ADAMTS14: variants seen among roughly 807,000 people sequenced by gnomAD.
The protein encoded by ADAMTS14 is A disintegrin and metalloproteinase with thrombospondin motifs 14.
A neutral mutation model predicts 128.6 loss-of-function variants in ADAMTS14; 100 were observed. That is an observed-to-expected ratio of 0.78 (90% CI 0.66 to 0.92). The LOEUF is 0.92. ADAMTS14 is among the 40% of genes least tolerant of loss of function. The probability of loss-of-function intolerance (pLI) is 0.00; values close to 1 mark genes in which losing one functional copy is unlikely to be tolerated. For synonymous variants in ADAMTS14, 665 were observed against 653.8 expected (o/e 1.02, Z -0.26); for missense variants, 1,562 against 1,658.6 (o/e 0.94, Z 1.01).
chr10:70,673,381 T>C (rs11596281), intron 1 of ADAMTS14, among the ~76,000 whole-genome samples: 62,854 of 151,932 alleles, frequency 0.41, 14,469 homozygotes, highest in Non-Finnish European at 0.53. Context: ...GAAACACACA[T>C]CCTTCCACTG....
intron 10 of ADAMTS14, 23 bp downstream of exon 10, chr10:70,736,816 G>T (rs767661190): frequency 1.2e-6 from 2 of 1,608,594 alleles, no homozygotes; most frequent in Non-Finnish European, 1.7e-6. Flanking sequence ...TGTGCAGCAG[G>T]AGTGGCCTTC....
Position 70,732,275 on chromosome 10 carries a change from T to C in ADAMTS14, c.1124T>C (p.Met375Thr), listed in dbSNP as rs139122402. The change falls in exon 7 of 22, where the codon ATG becomes ACG. Residue 375 changes from methionine to threonine, a missense_variant. Physicochemically the swap from Met to Thr is moderately conservative, Grantham distance 81. Coordinates refer to ENST00000373207, the MANE Select transcript of ADAMTS14 (RefSeq NM_080722.4). ...GPSGYAPVTG[M>T]CHPLRSCALN... ...GCAGGGTATGCACCCGTCACTGGCA[T>C]GTGTCACCCCCTGAGGAGCTGTGCC... 3.1e-6 allele frequency: 5 copies of C among 1,614,196 alleles called. No homozygotes were observed. The highest frequency in any genetic ancestry group is 4.2e-6 in the Non-Finnish European group (5 of 1,180,030).
intron 6 of ADAMTS14, 41 bp from the exon 7 acceptor site, chr10:70,732,213 C>A: frequency 6.4e-7 from 1 of 1,571,060 alleles, no homozygotes; most frequent in Non-Finnish European, 8.8e-7. Flanking sequence ...CCTCACCTGC[C>A]CTCCACCTCG....
At chr10:70,703,380 C>T (rs549222034) in intron 3 of ADAMTS14, among the ~76,000 whole-genome samples, 2 of 152,306 alleles carry the variant, frequency 1.3e-5, no homozygotes, top group East Asian at 3.9e-4. Context: ...GTGCCAGCTC[C>T]CTATGGGACT....
chr10:70,700,757 C>G (rs4746058), intron 2 of ADAMTS14, among the ~76,000 whole-genome samples: 27,127 of 152,200 alleles, frequency 0.18, 3,514 homozygotes, highest in East Asian at 0.54. Context: ...GTCCACACTT[C>G]GTCATAGCAC....
Position 70,760,721 on chromosome 10 carries a change from C to T in ADAMTS14, c.3540C>T (p.Ser1180=). ...TCCCTGGAGCATCCTGGAGCATCTC[C>T]CCTACCACCCCCGGGGGGCTGCCTT... is the stretch of plus-strand genomic sequence containing the variant. ...TPIPGASWSI[S]PTTPGGLPWG... The change falls in exon 22 of 22, where the codon TCC becomes TCT. Residue 1180 remains serine, a synonymous_variant. Coordinates refer to ENST00000373207, the MANE Select transcript of ADAMTS14 (RefSeq NM_080722.4). 2 of 1,614,102 alleles carry T rather than the reference C, an allele frequency of 1.2e-6. No homozygotes were observed. The highest frequency in any genetic ancestry group is 1.7e-6 in the Non-Finnish European group (2 of 1,180,000).
chr10:70,714,430 A>G lies in ADAMTS14; in HGVS notation c.870+5652A>G, dbSNP rs1221521618. 3.3e-5 allele frequency among the ~76,000 whole-genome samples: 5 copies of G among 152,034 alleles called. No individual in the cohort carries two copies. The East Asian group carries it at 9.7e-4, about 29-fold the overall frequency. On this transcript the variant is annotated intron_variant, in intron 4 of 21. Transcript: ENST00000373207. ...CTGGGATCTGAGCACCACTGTGTCC[A>G]CTCCAGAGCTCACCCTCTTCCCCAG...
intron 7 of ADAMTS14, 34 bp downstream of exon 7, chr10:70,732,393 AG>A (rs780481833): frequency 1.3e-6 from 2 of 1,563,564 alleles, no homozygotes; most frequent in Non-Finnish European, 1.8e-6. Context: ...TGGGACTGGC[AG>A]CTGTGCCGTG....
intron 4 of ADAMTS14, among the ~76,000 whole-genome samples, chr10:70,715,337 G>A (rs903810778): frequency 6.6e-6 from 1 of 152,112 alleles, no homozygotes; most frequent in African/African-American, 2.4e-5. Context: ...GGGAGTGCTT[G>A]TATGCATGTA....
At chr10:70,758,734 G>A (rs186810242) in intron 21 of ADAMTS14, among the ~76,000 whole-genome samples, 3 of 152,230 alleles carry the variant, frequency 2.0e-5, no homozygotes, top group Non-Finnish European at 4.4e-5. Flanking sequence ...GCCTTCATAG[G>A]GCTGGTGAGA....
intron 18 of ADAMTS14, 138 bp downstream of exon 18, chr10:70,752,365 T>G: frequency 2.3e-6 from 3 of 1,304,714 alleles, no homozygotes; most frequent in Non-Finnish European, 3.1e-6. Flanking sequence ...TTTCAGTGCT[T>G]CTGGGCTCCA....
At chr10:70,689,867 C>T (rs1343074304) in intron 2 of ADAMTS14, among the ~76,000 whole-genome samples, 3 of 145,296 alleles carry the variant, frequency 2.1e-5, no homozygotes, top group Admixed American at 6.8e-5. Context: ...GCCCCTCAGA[C>T]CCCTCAGGCT....
At chr10:70,734,201 T>A (rs1211030508) in intron 8 of ADAMTS14, among the ~76,000 whole-genome samples, 173 bp downstream of exon 8, 1 of 152,108 alleles carries the variant, frequency 6.6e-6, no homozygotes, top group Non-Finnish European at 1.5e-5. Flanking sequence ...GCATAGCAGG[T>A]GGGTTAGTCT....
chr10:70,701,327 A>G (rs968050792), intron 2 of ADAMTS14, among the ~76,000 whole-genome samples: 1 of 152,280 alleles, frequency 6.6e-6, no homozygotes, highest in Non-Finnish European at 1.5e-5. Context: ...TCGTGTTCAC[A>G]GCTGCGCTCC....
At chr10:70,711,096 T>C (rs1307598001) in intron 4 of ADAMTS14, among the ~76,000 whole-genome samples, 1 of 152,166 alleles carries the variant, frequency 6.6e-6, no homozygotes. Flanking sequence ...AAAGCGGTAA[T>C]TTCTTTCGTG....
chr10:70,734,138 T>TC, intron 8 of ADAMTS14, 110 bp downstream of exon 8: 2 of 1,418,962 alleles, frequency 1.4e-6, no homozygotes, highest in Non-Finnish European at 1.9e-6. Context: ...GCTTGACTCT[T>TC]CCGTGACTCA....
intron 12 of ADAMTS14, among the ~76,000 whole-genome samples, chr10:70,742,428 A>G (rs545808748): frequency 6.6e-6 from 1 of 152,056 alleles, no homozygotes. Context: ...CCCCAGACCC[A>G]GGTCCCTACA....
intron 4 of ADAMTS14, among the ~76,000 whole-genome samples, chr10:70,712,544 T>C (rs191048261): frequency 6.6e-6 from 1 of 152,096 alleles, no homozygotes; most frequent in African/African-American, 2.4e-5. Context: ...CATTATAGAT[T>C]AGGAATTTTA....
At chr10:70,714,476 G>C (rs559324359) in intron 4 of ADAMTS14, among the ~76,000 whole-genome samples, 13 of 152,334 alleles carry the variant, frequency 8.5e-5, no homozygotes, top group Admixed American at 2.0e-4. Flanking sequence ...AGCTGGTGCT[G>C]TCCGTGGCTG....
Sources: allele counts gnomAD v4.1 joint callset (sites outside exome capture counted in the v4.1 genomes callset), GRCh38; gene constraint gnomAD v4.1.1; transcripts MANE v1.5; gene names NCBI Gene and HGNC (gene_info 2026-07-23, HGNC 2026-07-21).